PLCB4: variants seen among roughly 807,000 people sequenced by gnomAD.
PLCB4 encodes the protein 1-phosphatidylinositol 4,5-bisphosphate phosphodiesterase beta-4.
Under a neutral mutation model 178.8 loss-of-function variants are expected in PLCB4, and 77 were observed. The observed-to-expected ratio is 0.43, with a 90% CI of 0.36 to 0.52. PLCB4 has a LOEUF of 0.52. PLCB4 is among the 20% of genes least tolerant of loss of function. PLCB4 has a pLI of 0.00. For synonymous variants in PLCB4, 496 were observed against 490.8 expected, an observed-to-expected ratio of 1.01 and a Z score of -0.14; for missense variants, 1,024 against 1,453.4, an observed-to-expected ratio of 0.70 and a Z score of 4.80.
At chr20:9,121,274 T>A (rs975648610) in intron 2 of PLCB4, among the ~76,000 whole-genome samples, 1 of 152,154 alleles carries the variant, frequency 6.6e-6, no homozygotes, top group African/African-American at 2.4e-5. Context: ...CCTTGCTCTC[T>A]ATTTTTTTTA....
chr20:9,174,024 T>C (rs554090178), intron 2 of PLCB4, among the ~76,000 whole-genome samples: 2 of 152,356 alleles, frequency 1.3e-5, no homozygotes, highest in Admixed American at 1.3e-4. Flanking sequence ...AATTACCGTA[T>C]CTAGGTATAT....
At chr20:9,254,660 T>G (rs763632479) in intron 3 of PLCB4, among the ~76,000 whole-genome samples, 2 of 152,154 alleles carry the variant, frequency 1.3e-5, no homozygotes, top group Admixed American at 1.3e-4. Flanking sequence ...ATCGTGCCAC[T>G]GTACTCCAGT....
intron 33 of PLCB4, 36 bp downstream of exon 33, chr20:9,453,498 A>G (rs111404388): frequency 4.0e-6 from 5 of 1,255,210 alleles, no homozygotes; most frequent in Non-Finnish European, 4.6e-6. Flanking sequence ...GACTTTCTCT[A>G]TGTTTATATT....
At chr20:9,374,677 A>G (rs949353675) in intron 12 of PLCB4, among the ~76,000 whole-genome samples, 13 of 152,206 alleles carry the variant, frequency 8.5e-5, no homozygotes, top group Non-Finnish European at 1.8e-4. Flanking sequence ...TCACTGTTAA[A>G]GAATGAAGCA....
chr20:9,227,890 A>G (rs756904611), intron 3 of PLCB4, among the ~76,000 whole-genome samples: 1 of 152,194 alleles, frequency 6.6e-6, no homozygotes, highest in Non-Finnish European at 1.5e-5. Context: ...TTTTTCAACT[A>G]TGGTATTATA....
Position 9,150,412 on chromosome 20 carries a change from A to G in PLCB4, c.-79+54070A>G, listed in dbSNP as rs545727342. Among the ~76,000 whole-genome samples, 71 of 152,266 alleles carry G rather than the reference A, an allele frequency of 4.7e-4. 3 individuals carry two copies. In the South Asian group the frequency reaches 0.014, roughly 31 times the overall value. On this transcript the variant is annotated intron_variant, in intron 2 of 39. Transcript: ENST00000378473. ...AAATAGGGTTCCATGATTTGTATAC[A>G]TATACTGTCATGCACATTTGTACTT... is the stretch of plus-strand genomic sequence containing the variant.
At chr20:9,234,282 G>A (rs1235854662) in intron 3 of PLCB4, among the ~76,000 whole-genome samples, 2 of 152,082 alleles carry the variant, frequency 1.3e-5, no homozygotes, top group Non-Finnish European at 2.9e-5. Context: ...AGTGTAAATG[G>A]CAAGTAAGCA....
chr20:9,473,168 A>T, intron 37 of PLCB4, 111 bp from the exon 38 acceptor site: 1 of 633,598 alleles, frequency 1.6e-6, no homozygotes, highest in East Asian at 3.0e-5. Flanking sequence ...ATTTTTTAAA[A>T]AATTATTATC....
intron 28 of PLCB4, among the ~76,000 whole-genome samples, chr20:9,432,724 A>G (rs114014203): frequency 2.3e-4 from 35 of 152,342 alleles, no homozygotes; most frequent in African/African-American, 7.9e-4. Context: ...TGCCCACTTC[A>G]TGGCATCCTG....
At chr20:9,265,149 A>G (rs2094336341) in intron 3 of PLCB4, among the ~76,000 whole-genome samples, 1 of 152,172 alleles carries the variant, frequency 6.6e-6, no homozygotes, top group Non-Finnish European at 1.5e-5. Flanking sequence ...TTGTAGTATT[A>G]GGGACCATCA....
chr20:9,075,661 G>A (rs1379493592), intron 1 of PLCB4, among the ~76,000 whole-genome samples: 1 of 152,204 alleles, frequency 6.6e-6, no homozygotes, highest in Admixed American at 6.5e-5. Flanking sequence ...GCCCATCCAG[G>A]GGCCCAATTG....
intron 12 of PLCB4, among the ~76,000 whole-genome samples, chr20:9,376,037 T>TAG (rs1568682378): frequency 6.6e-6 from 1 of 152,058 alleles, no homozygotes; most frequent in African/African-American, 2.4e-5. Context: ...ACTATATATA[T>TAG]AGTCCATTTA....
At chr20:9,297,501 T>C (rs1314735868) in intron 3 of PLCB4, among the ~76,000 whole-genome samples, 2 of 152,112 alleles carry the variant, frequency 1.3e-5, no homozygotes, top group Admixed American at 1.3e-4. Flanking sequence ...CCACCTGTTC[T>C]CCAGAAACCT....
chr20:9,362,748 A>G (rs2035454642), intron 7 of PLCB4, 148 bp from the exon 8 acceptor site: 1 of 615,374 alleles, frequency 1.6e-6, no homozygotes, highest in African/African-American at 1.8e-5. Flanking sequence ...ATGAGCCTGC[A>G]AAATATAGAT....
At chr20:9,194,302 T>A (rs1317820500) in intron 2 of PLCB4, among the ~76,000 whole-genome samples, 1 of 152,238 alleles carries the variant, frequency 6.6e-6, no homozygotes, top group Non-Finnish European at 1.5e-5. Flanking sequence ...TACAAATGTA[T>A]TTTCCAACAC....
intron 8 of PLCB4, among the ~76,000 whole-genome samples, chr20:9,365,046 A>G (rs1016663407): frequency 4.6e-5 from 7 of 152,196 alleles, no homozygotes; most frequent in Admixed American, 1.3e-4. Context: ...TTACAGAGCA[A>G]TAATCGAGCA....
chr20:9,150,839 G>A (rs1186774991), intron 2 of PLCB4, among the ~76,000 whole-genome samples: 1 of 152,166 alleles, frequency 6.6e-6, no homozygotes, highest in Admixed American at 6.5e-5. Context: ...CAAAGTGTAG[G>A]TGTTGTTTTG....
intron 2 of PLCB4, among the ~76,000 whole-genome samples, chr20:9,206,299 C>CTTTT (rs71184138): frequency 1.6e-4 from 15 of 96,086 alleles, no homozygotes; most frequent in Non-Finnish European, 1.6e-4. Flanking sequence ...TTTCTTTTTT[C>CTTTT]TTTTTTTTTT....
chr20:9,230,146 C>T (rs896808580), intron 3 of PLCB4, among the ~76,000 whole-genome samples: 1 of 152,152 alleles, frequency 6.6e-6, no homozygotes, highest in Non-Finnish European at 1.5e-5. Flanking sequence ...TGTGTACACT[C>T]ACATTCCTGA....
Sources: gnomAD v4.1 joint callset for allele counts (sites outside exome capture counted in the v4.1 genomes callset) on GRCh38, gnomAD v4.1.1 for gene constraint, MANE v1.5 for transcripts, NCBI Gene and HGNC (gene_info 2026-07-23, HGNC 2026-07-21) for gene names.